SLC25A13: variants seen among roughly 807,000 people sequenced by gnomAD.
SLC25A13 encodes solute carrier family 25 member 13, also known as electrogenic aspartate/glutamate antiporter SLC25A13, mitochondrial.
SLC25A13 carries 70 observed loss-of-function variants against 85.5 expected under a neutral mutation model. That is an observed-to-expected ratio of 0.82 (90% CI 0.68 to 1.00). The LOEUF is 1.00. Ranked by LOEUF, SLC25A13 falls within the 50% of genes least tolerant of loss-of-function variation. SLC25A13 has a pLI of 0.00. For missense variants in SLC25A13, 765 were observed against 819.8 expected, an observed-to-expected ratio of 0.93 and a Z score of 0.82; for synonymous variants, 259 against 288.7, an observed-to-expected ratio of 0.90 and a Z score of 1.04.
At chr7:96,188,055 G>C (rs1254195893) in intron 9 of SLC25A13, among the ~76,000 whole-genome samples, 2 of 152,192 alleles carry the variant, frequency 1.3e-5, no homozygotes, top group Non-Finnish European at 2.9e-5. Flanking sequence ...GCCGCTGCCA[G>C]CTGAAGAGTA....
rs372207116 is a variant in SLC25A13, at chr7:96,122,012, C to A, written c.1592-15G>T. Reference sequence around the variant, plus strand: ...TGCAGGCATACCTGCAGGAGAGACACAACACCATCTCAGTCTGGTCACATT... The same window carrying A: ...TGCAGGCATACCTGCAGGAGAGACAAAACACCATCTCAGTCTGGTCACATT... On this transcript the variant is annotated splice_polypyrimidine_tract_variant and intron_variant, in intron 15 of 17. Coordinates refer to ENST00000265631, the MANE Select transcript of SLC25A13 (RefSeq NM_014251.3). The A allele has an allele frequency of 1.2e-6, 2 of 1,614,102 alleles. No homozygotes were observed. The highest frequency in any genetic ancestry group is 2.2e-5 in the South Asian group (2 of 91,072).
chr7:96,295,788 C>T (rs1184689475), intron 2 of SLC25A13, among the ~76,000 whole-genome samples: 1 of 151,868 alleles, frequency 6.6e-6, no homozygotes, highest in South Asian at 2.1e-4. Context: ...TCTTTCCATA[C>T]AACTCAGCTG....
At chr7:96,296,031 T>G (rs1156553754) in intron 2 of SLC25A13, among the ~76,000 whole-genome samples, 1 of 151,938 alleles carries the variant, frequency 6.6e-6, no homozygotes, top group Middle Eastern at 3.2e-3. Flanking sequence ...AATCATTCAC[T>G]GCCCACTATC....
chr7:96,259,674 A>C (rs1347199165), intron 3 of SLC25A13, among the ~76,000 whole-genome samples: 1 of 152,218 alleles, frequency 6.6e-6, no homozygotes, highest in Non-Finnish European at 1.5e-5. Context: ...TAGAACTAGA[A>C]ATACCATTTG....
intron 4 of SLC25A13, among the ~76,000 whole-genome samples, chr7:96,226,319 C>T (rs75637338): frequency 0.044 from 6,714 of 152,228 alleles, 185 homozygotes; most frequent in Non-Finnish European, 0.067. Flanking sequence ...CCTCAAGGTT[C>T]ATTCATGTTG....
At chr7:96,153,755 AT>A (rs1793139808) in intron 13 of SLC25A13, among the ~76,000 whole-genome samples, 1 of 152,312 alleles carries the variant, frequency 6.6e-6, no homozygotes, top group African/African-American at 2.4e-5. Context: ...TTTTTGTAGC[AT>A]TTTTCAAAAG....
intron 1 of SLC25A13, among the ~76,000 whole-genome samples, chr7:96,304,929 TACA>T (rs1799689547): frequency 6.6e-6 from 1 of 152,228 alleles, no homozygotes; most frequent in South Asian, 2.1e-4. Flanking sequence ...GGAGAATTAA[TACA>T]CTAATTCTGC....
chr7:96,318,367 AC>A (rs1203379081), intron 1 of SLC25A13, among the ~76,000 whole-genome samples: 1 of 152,162 alleles, frequency 6.6e-6, no homozygotes, highest in Non-Finnish European at 1.5e-5. Flanking sequence ...CTCAATTACC[AC>A]CTTTTAAAAC....
intron 3 of SLC25A13, among the ~76,000 whole-genome samples, chr7:96,272,042 T>C (rs914191985): frequency 1.6e-4 from 25 of 152,194 alleles, no homozygotes; most frequent in African/African-American, 6.0e-4. Flanking sequence ...ACGGCCACCA[T>C]GCCTGGCTAA....
intron 1 of SLC25A13, among the ~76,000 whole-genome samples, chr7:96,320,556 G>T (rs1202133095): frequency 6.6e-6 from 1 of 152,302 alleles, no homozygotes; most frequent in Admixed American, 6.5e-5. Context: ...GGCTTGAAAG[G>T]GTTAAGGCAG....
At chr7:96,168,284 G>A (rs1793856592) in intron 13 of SLC25A13, among the ~76,000 whole-genome samples, 1 of 151,872 alleles carries the variant, frequency 6.6e-6, no homozygotes, top group African/African-American at 2.4e-5. Flanking sequence ...GGGGGAAAAA[G>A]GCAAGGGAGA....
intron 15 of SLC25A13, among the ~76,000 whole-genome samples, chr7:96,122,677 C>T (rs577441968): frequency 6.6e-6 from 1 of 152,168 alleles, no homozygotes; most frequent in South Asian, 2.1e-4. Flanking sequence ...AAATATTTGA[C>T]AGAAAGCTTA....
In SLC25A13 at chr7:96,139,674, C is replaced by A. The variant is rs145099470; in HGVS notation, c.1452+6882G>T. On this transcript the variant is annotated intron_variant, in intron 14 of 17. Transcript: ENST00000265631. ...GACTCAGTCACTCTCTCTCATACAT[C>A]AAGAATATGTACACTTAGACACCTC... Among the ~76,000 whole-genome samples the A allele has an allele frequency of 2.7e-3, 409 of 152,270 alleles. 2 individuals carry two copies. The highest frequency in any genetic ancestry group is 0.011 in the South Asian group (52 of 4,822).
At chr7:96,269,816 A>C (rs1584540153) in intron 3 of SLC25A13, among the ~76,000 whole-genome samples, 1 of 152,232 alleles carries the variant, frequency 6.6e-6, no homozygotes, top group Non-Finnish European at 1.5e-5. Context: ...GACAATATGG[A>C]TGAACCTGAA....
intron 3 of SLC25A13, among the ~76,000 whole-genome samples, chr7:96,261,371 A>C (rs982834184): frequency 1.3e-5 from 2 of 152,188 alleles, no homozygotes; most frequent in African/African-American, 4.8e-5. Context: ...CAAATCTGAA[A>C]TTAATCTATA....
chr7:96,252,778 A>C (rs1047909434), intron 3 of SLC25A13, among the ~76,000 whole-genome samples: 2 of 152,090 alleles, frequency 1.3e-5, no homozygotes, highest in African/African-American at 4.8e-5. Flanking sequence ...AGCAGAGGAA[A>C]CTTGGGGAGA....
chr7:96,199,147 A>C (rs906804793), intron 5 of SLC25A13, among the ~76,000 whole-genome samples: 3 of 152,204 alleles, frequency 2.0e-5, no homozygotes, highest in African/African-American at 7.2e-5. Context: ...TCTGTTCTGA[A>C]GATGGAAAAA....
At chr7:96,132,333 G>T (rs1296764774) in intron 14 of SLC25A13, among the ~76,000 whole-genome samples, 5 of 152,128 alleles carry the variant, frequency 3.3e-5, no homozygotes, top group Non-Finnish European at 7.4e-5. Context: ...TTTGCTTTTT[G>T]TACGTTTGGA....
chr7:96,162,179 GACTTAA>G (rs1297867437), intron 13 of SLC25A13, among the ~76,000 whole-genome samples: 1 of 152,200 alleles, frequency 6.6e-6, no homozygotes, highest in East Asian at 1.9e-4. Context: ...CGCGAAGTAA[GACTTAA>G]ATCCACTTCA....
Sources: allele counts gnomAD v4.1 joint callset (sites outside exome capture counted in the v4.1 genomes callset), GRCh38; gene constraint gnomAD v4.1.1; transcripts MANE v1.5; gene names NCBI Gene and HGNC (gene_info 2026-07-23, HGNC 2026-07-21).